Variants in KDM3A observed in about 807,000 individuals in gnomAD.
KDM3A encodes the protein lysine demethylase 3A.
In KDM3A, 60 loss-of-function variants were observed where a neutral mutation model predicts 158.0. The observed-to-expected ratio is 0.38, with a 90% confidence interval of 0.31 to 0.47. The LOEUF is 0.47. Ranked by LOEUF, KDM3A falls within the 20% of genes least tolerant of loss-of-function variation. The pLI, the probability that KDM3A is intolerant of heterozygous loss-of-function variation, is 0.99. For synonymous variants in KDM3A, 608 were observed against 549.3 expected (o/e 1.11, Z -1.49); for missense variants, 1,319 against 1,574.3 (o/e 0.84, Z 2.74).
Position 86,482,590 on chromosome 2 carries a change from G to A in KDM3A, c.2818G>A (p.Asp940Asn), listed in dbSNP as rs1167228814. 6.8e-6 allele frequency: 11 copies of A among 1,613,834 alleles called. No homozygotes were observed. The highest frequency in any genetic ancestry group is 1.3e-5 in the African/African-American group (1 of 74,900). The change falls in exon 18 of 26, where the codon GAC becomes AAC. Residue 940 changes from aspartate (D) to asparagine (N), a missense_variant. Transcript: ENST00000312912. ...LTIKPSILGFDTPHYWLCDNR... is the reference protein window; with the variant it reads ...LTIKPSILGFNTPHYWLCDNR... Reference sequence around the variant, plus strand: ...CATCAAGCCCAGCATTCTGGGCTTTGACACTCCTCACTATTGGCTTTGTGA... The same window carrying A: ...CATCAAGCCCAGCATTCTGGGCTTTAACACTCCTCACTATTGGCTTTGTGA...
chr2:86,474,561 G>A (rs1435004587), intron 11 of KDM3A, among the ~76,000 whole-genome samples: 1 of 151,924 alleles, frequency 6.6e-6, no homozygotes, highest in East Asian at 1.9e-4. Flanking sequence ...TACGGGGGAA[G>A]CTGAGGCAGG....
At chr2:86,456,340 G>A (rs181867990) in intron 5 of KDM3A, 102 bp from the exon 6 acceptor site, 97 of 846,792 alleles carry the variant, frequency 1.1e-4, no homozygotes, top group Admixed American at 8.6e-4. Flanking sequence ...TTACTTTTGC[G>A]TTTTTTTAAA....
At chr2:86,464,967 T>C (rs935153359) in intron 9 of KDM3A, among the ~76,000 whole-genome samples, 2 of 152,154 alleles carry the variant, frequency 1.3e-5, no homozygotes, top group Non-Finnish European at 1.5e-5. Flanking sequence ...AGGATGGCCA[T>C]GTGGCAGTCA....
intron 8 of KDM3A, among the ~76,000 whole-genome samples, chr2:86,463,097 AAAAAC>A (rs1406844573): frequency 6.6e-6 from 1 of 152,184 alleles, no homozygotes; most frequent in Non-Finnish European, 1.5e-5. Flanking sequence ...CTCAAAAACA[AAAAAC>A]AAAACAGAAA....
intron 25 of KDM3A, 88 bp from the exon 26 acceptor site, chr2:86,491,948 AGGT>A (rs1290424384): frequency 8.8e-6 from 7 of 791,762 alleles, no homozygotes; most frequent in Non-Finnish European, 1.4e-5. Context: ...TTCTGAGAGA[AGGT>A]AATAAAATTA....
Position 86,442,252 on chromosome 2 carries a change from C to T in KDM3A, c.186+19C>T, listed in dbSNP as rs1185199791. 11 of 1,588,768 alleles carry T rather than the reference C, an allele frequency of 6.9e-6. No homozygotes were observed. The highest frequency in any genetic ancestry group is 1.1e-5 in the South Asian group (1 of 89,922). ...TCTGAAGGTACAGGCGGCTCCGGGC[C>T]TCTGCCACCGGACGTTTCGCAGTTA... On this transcript the variant is annotated intron_variant, in intron 2 of 25. Transcript: ENST00000312912.
chr2:86,467,857 C>T (rs1453915135), intron 10 of KDM3A, among the ~76,000 whole-genome samples: 1 of 151,874 alleles, frequency 6.6e-6, no homozygotes, highest in Non-Finnish European at 1.5e-5. Context: ...CCCATCTCCA[C>T]AAAAAATTTT....
Position 86,492,285 on chromosome 2 carries a change from G to GC in KDM3A, c.*166_*167insC. The GC allele has an allele frequency of 1.7e-6, 1 of 578,978 alleles. No homozygotes were observed. The highest frequency in any genetic ancestry group is 3.1e-6 in the Non-Finnish European group (1 of 322,616). 35.9% of individuals were successfully genotyped at this position (578,978 alleles called of 1,614,324 possible). On this transcript the variant is annotated 3_prime_UTR_variant, in exon 26 of 26. Coordinates refer to ENST00000312912, the MANE Select transcript of KDM3A (RefSeq NM_018433.6). ...TTTCTAGTGTTTACAGACAGTAAAT[G>GC]TGTATATGTAGTAACTATTTACAGA...
intron 1 of KDM3A, 95 bp from the exon 2 acceptor site, chr2:86,441,920 GCGC>G: frequency 3.2e-6 from 3 of 950,870 alleles, no homozygotes; most frequent in Non-Finnish European, 3.0e-6. Flanking sequence ...CCGCGTCCTC[GCGC>G]GGGTTCGGCG....
Position 86,470,239 on chromosome 2 carries a change from A to G in KDM3A, c.1555A>G (p.Lys519Glu), listed in dbSNP as rs765810066. Residue 519 changes from lysine (K) to glutamate (E), a missense_variant, in exon 11 of 26, where the codon AAA (lysine) becomes GAA (glutamate). Around this residue, in one of 4 missense-constraint regions of KDM3A, gnomAD observed 652 missense variants for 627.2 expected, o/e 1.04. Transcript: ENST00000312912. ...SRKSVLTDPAKLKKLQQSGEA... is the reference protein window; with the variant it reads ...SRKSVLTDPAELKKLQQSGEA... ...GAAGTCGGTTTTGACAGACCCAGCTAAACTCAAAAAGCTGCAACAGAGTGG... is the reference window on the plus strand; with the variant it reads ...GAAGTCGGTTTTGACAGACCCAGCTGAACTCAAAAAGCTGCAACAGAGTGG... The G allele has an allele frequency of 6.2e-7, 1 of 1,614,078 alleles. No homozygotes were observed. Among genetic ancestry groups the G allele is most frequent in the South Asian group, 1.1e-5 (1 of 91,082 alleles).
At chr2:86,475,087 C>T in intron 12 of KDM3A, 97 bp downstream of exon 12, 7 of 979,394 alleles carry the variant, frequency 7.1e-6, no homozygotes, top group Non-Finnish European at 1.1e-5. Context: ...TTTTTTCACC[C>T]AGAAGTTTAG....
At chr2:86,455,648 C>CT (rs1672657902) in intron 5 of KDM3A, among the ~76,000 whole-genome samples, 1 of 151,920 alleles carries the variant, frequency 6.6e-6, no homozygotes, top group Non-Finnish European at 1.5e-5. Flanking sequence ...TTATATGAAA[C>CT]TAACAGTAAA....
chr2:86,490,630 C>T (rs1486893340), intron 23 of KDM3A: 1 of 353,128 alleles, frequency 2.8e-6, no homozygotes, highest in African/African-American at 2.1e-5. Flanking sequence ...TGTTTAAATA[C>T]AGTATTTACA....
chr2:86,450,763 T>A (rs1352644486), intron 3 of KDM3A, among the ~76,000 whole-genome samples: 1 of 152,158 alleles, frequency 6.6e-6, no homozygotes, highest in East Asian at 1.9e-4. Flanking sequence ...TCTTTGTATT[T>A]TTTTTTCCAG....
intron 11 of KDM3A, among the ~76,000 whole-genome samples, chr2:86,471,712 C>T (rs1431452083): frequency 1.3e-5 from 2 of 152,096 alleles, no homozygotes; most frequent in South Asian, 2.1e-4. Context: ...GCTTATTTAA[C>T]GAAGTAAGAG....
chr2:86,468,689 T>A (rs142724137), intron 10 of KDM3A, among the ~76,000 whole-genome samples: 2 of 152,128 alleles, frequency 1.3e-5, no homozygotes, highest in African/African-American at 4.8e-5. Flanking sequence ...TACAGAAGGC[T>A]TGGAAAACTT....
At chr2:86,465,409 T>A (rs1008518664) in intron 9 of KDM3A, among the ~76,000 whole-genome samples, 3 of 152,118 alleles carry the variant, frequency 2.0e-5, no homozygotes, top group Admixed American at 2.0e-4. Context: ...TTTTGAGGTT[T>A]TTTAGAGACA....
intron 15 of KDM3A, chr2:86,479,896 G>A: frequency 2.3e-6 from 1 of 443,286 alleles, no homozygotes; most frequent in Non-Finnish European, 4.1e-6. Flanking sequence ...ATGGTACATA[G>A]AGTAATAGGG....
intron 2 of KDM3A, among the ~76,000 whole-genome samples, chr2:86,444,109 T>A (rs1682855291): frequency 6.6e-6 from 1 of 152,182 alleles, no homozygotes; most frequent in Non-Finnish European, 1.5e-5. Context: ...ATGTATATAT[T>A]TTTTAAATCT....
Sources: allele counts gnomAD v4.1 joint callset (sites outside exome capture counted in the v4.1 genomes callset), GRCh38; gene constraint gnomAD v4.1.1; regional missense constraint gnomAD v4.1.1; transcripts MANE v1.5; gene names NCBI Gene and HGNC (gene_info 2026-07-23, HGNC 2026-07-21).